XG: variants seen among roughly 807,000 people sequenced by gnomAD.
The protein encoded by XG is glycoprotein Xg.
A neutral mutation model predicts 25.7 loss-of-function variants in XG; 24 were observed. The ratio of observed to expected loss-of-function variants is 0.93; its 90% CI spans 0.68 to 1.31. The LOEUF (loss-of-function observed/expected upper bound fraction) is 1.31, where lower values mean the gene tolerates loss of function less well. XG is among the 40% of genes most tolerant of loss of function. XG has a pLI of 0.00. For missense variants in XG, 181 were observed against 187.6 expected (o/e 0.96, Z 0.21); for synonymous variants, 77 against 69.2 (o/e 1.11, Z -0.56).
At chrX:2,802,522 T>C (rs1342996375) in intron 7 of XG, among the ~76,000 whole-genome samples, 4 of 110,923 alleles carry the variant, frequency 3.6e-5, no homozygotes, top group Non-Finnish European at 7.6e-5. Flanking sequence ...TTTTAACGTG[T>C]AATTTGGCTG....
intron 1 of XG, among the ~76,000 whole-genome samples, chrX:2,759,415 T>C (rs1041484950): frequency 6.6e-6 from 1 of 152,190 alleles, no homozygotes; most frequent in Non-Finnish European, 1.5e-5. Context: ...TCTGGAGGTA[T>C]AGTTGTCCTG....
At chrX:2,811,169 G>C (rs961408347) in intron 9 of XG, among the ~76,000 whole-genome samples, 167 bp from the exon 10 acceptor site, 23 of 109,749 alleles carry the variant, frequency 2.1e-4, no homozygotes, top group African/African-American at 7.6e-4. Flanking sequence ...GGGTGGGAAG[G>C]GACGTGATGG....
chrX:2,761,793 C>T (rs1409710295), intron 1 of XG, among the ~76,000 whole-genome samples: 1 of 151,798 alleles, frequency 6.6e-6, no homozygotes, highest in Admixed American at 6.6e-5. Flanking sequence ...TCTACAAGCC[C>T]AGGAGAGAGG....
chrX:2,809,556 AT>A (rs747915087), intron 9 of XG, among the ~76,000 whole-genome samples: 100 of 112,433 alleles, frequency 8.9e-4, no homozygotes, highest in African/African-American at 3.1e-3. Flanking sequence ...AGGAAAAGGT[AT>A]GTATCAGTCA....
intron 7 of XG, among the ~76,000 whole-genome samples, chrX:2,804,499 A>T (rs1481451486): frequency 9.1e-6 from 1 of 110,136 alleles, no homozygotes; most frequent in Non-Finnish European, 1.9e-5. Flanking sequence ...ACAGGCCTGC[A>T]CCACCACATC....
At chrX:2,760,625 C>G (rs1430628287) in intron 1 of XG, among the ~76,000 whole-genome samples, 1 of 148,660 alleles carries the variant, frequency 6.7e-6, no homozygotes, top group Non-Finnish European at 1.5e-5. Flanking sequence ...GTCCCAGCTA[C>G]TTGGGAGGCT....
Position 2,782,097 on chromosome X carries a change from C to T in XG, c.159C>T (p.Tyr53=). Residue 53 remains tyrosine (Y), a synonymous_variant, in exon 4 of 11, where the codon TAC becomes TAT. Transcript: ENST00000644266. ...DIYPKPKPPY[Y]PQPENPDSGG... is the part of the protein sequence containing the mutation. ...ACCCAAAGCCAAAACCACCTTACTA[C>T]CCACAGCCCGAGAATCCCGACAGCG... is the stretch of plus-strand genomic sequence containing the variant. The T allele has an allele frequency of 1.7e-6, 2 of 1,211,927 alleles. No individual in the cohort carries two copies. The highest frequency in any genetic ancestry group is 2.3e-4 in the Middle Eastern group (1 of 4,354).
chrX:2,761,792 C>G (rs1419866105), intron 1 of XG, among the ~76,000 whole-genome samples: 1 of 152,106 alleles, frequency 6.6e-6, no homozygotes, highest in Admixed American at 6.5e-5. Flanking sequence ...ATCTACAAGC[C>G]CAGGAGAGAG....
chrX:2,779,863 T>C (rs1433622683), intron 3 of XG, among the ~76,000 whole-genome samples: 3 of 152,052 alleles, frequency 2.0e-5, no homozygotes, highest in Admixed American at 2.0e-4. Flanking sequence ...TCCAGGCTGG[T>C]TTCGAACTCC....
chrX:2,765,041 CAAAAAAAAAA>C (rs1219282861), intron 1 of XG, among the ~76,000 whole-genome samples: 3 of 36,610 alleles, frequency 8.2e-5, no homozygotes, highest in African/African-American at 2.1e-4. Flanking sequence ...ATTCTTTATC[CAAAAAAAAAA>C]AAAAAAAAAA....
Position 2,752,214 on chromosome X carries a change from C to A in XG, c.-61C>A. 2 of 1,611,408 alleles carry A rather than the reference C, an allele frequency of 1.2e-6. No individual in the cohort carries two copies. The highest frequency in any genetic ancestry group is 1.7e-6 in the Non-Finnish European group (2 of 1,178,234). On this transcript the variant is annotated 5_prime_UTR_variant, in exon 1 of 11. Coordinates refer to ENST00000644266, the MANE Select transcript of XG (RefSeq NM_001141919.2). ...GTCAACAACAGGAGGGTGGAGAGGC[C>A]GGGTCTCACAATCCGCTTGGCTGGG...
intron 2 of XG, among the ~76,000 whole-genome samples, chrX:2,770,897 G>A (rs1228414091): frequency 2.0e-5 from 3 of 152,064 alleles, no homozygotes; most frequent in African/African-American, 4.8e-5. Context: ...CCAGACTGGA[G>A]TGCAGTGGTG....
chrX:2,787,586 C>T (rs2086796507), intron 4 of XG, among the ~76,000 whole-genome samples: 1 of 111,268 alleles, frequency 9.0e-6, no homozygotes, highest in Non-Finnish European at 1.9e-5. Context: ...CATAATCCCC[C>T]ACAGTTGTAT....
At chrX:2,786,558 G>A (rs763161685) in intron 4 of XG, among the ~76,000 whole-genome samples, 3 of 110,269 alleles carry the variant, frequency 2.7e-5, no homozygotes, top group Non-Finnish European at 5.7e-5. Context: ...GTGAGCCACT[G>A]TGCCTGTCCT....
At chrX:2,775,408 A>T (rs1217264449) in intron 3 of XG, among the ~76,000 whole-genome samples, 2 of 152,206 alleles carry the variant, frequency 1.3e-5, no homozygotes, top group East Asian at 3.8e-4. Flanking sequence ...TTTTATGAAG[A>T]TGAAATTTCA....
intron 2 of XG, among the ~76,000 whole-genome samples, chrX:2,773,510 GGAAGGAGA>G (rs1370383803): frequency 2.1e-5 from 3 of 141,802 alleles, no homozygotes; most frequent in Non-Finnish European, 3.1e-5. Flanking sequence ...AGAGAAGGAA[GGAAGGAGA>G]GAAGGAAGGA....
intron 4 of XG, among the ~76,000 whole-genome samples, chrX:2,783,094 C>A (rs1483178859): frequency 2.7e-5 from 3 of 111,520 alleles, no homozygotes; most frequent in African/African-American, 9.8e-5. Flanking sequence ...TCAAAGGACA[C>A]TTTGCATTAT....
chrX:2,754,363 A>C (rs2050391461), intron 1 of XG, among the ~76,000 whole-genome samples: 1 of 152,094 alleles, frequency 6.6e-6, no homozygotes, highest in African/African-American at 2.4e-5. Flanking sequence ...GCCTCCCCAA[A>C]TCTTGAGATT....
At chrX:2,756,212 C>T (rs769376416) in intron 1 of XG, among the ~76,000 whole-genome samples, 1 of 152,174 alleles carries the variant, frequency 6.6e-6, no homozygotes, top group African/African-American at 2.4e-5. Context: ...ATTTGCCGTC[C>T]AATCCAGAGG....
Sources: gnomAD v4.1 joint callset for allele counts (sites outside exome capture counted in the v4.1 genomes callset) on GRCh38, gnomAD v4.1.1 for gene constraint, MANE v1.5 for transcripts, NCBI Gene and HGNC (gene_info 2026-07-23, HGNC 2026-07-21) for gene names.